Variants in UBE2E2 observed in about 807,000 individuals in gnomAD.
The protein encoded by UBE2E2 is ubiquitin-conjugating enzyme E2 E2.
A neutral mutation model predicts 24.7 loss-of-function variants in UBE2E2; 6 were observed. That is an observed-to-expected ratio of 0.24 (90% CI 0.13 to 0.48). The LOEUF (loss-of-function observed/expected upper bound fraction) is 0.48, where lower values mean the gene tolerates loss of function less well. UBE2E2 is among the 20% of genes least tolerant of loss of function. The pLI, the probability that UBE2E2 is intolerant of heterozygous loss-of-function variation, is 0.99. For synonymous variants in UBE2E2, 104 were observed against 83.6 expected (o/e 1.24, Z -1.33); for missense variants, 169 against 245.0 (o/e 0.69, Z 2.07).
At chr3:23,466,219 G>T (rs956558477) in intron 3 of UBE2E2, among the ~76,000 whole-genome samples, 1 of 152,114 alleles carries the variant, frequency 6.6e-6, no homozygotes, top group Admixed American at 6.5e-5. Context: ...GGTTAAACTA[G>T]GTATTTTATT....
intron 3 of UBE2E2, among the ~76,000 whole-genome samples, chr3:23,282,291 G>A (rs892949496): frequency 3.9e-5 from 6 of 152,160 alleles, no homozygotes; most frequent in Non-Finnish European, 5.9e-5. Context: ...TATAGTTGGC[G>A]CTGGATGAAT....
Position 23,270,333 on chromosome 3 carries a change from C to T in UBE2E2, c.227+53021C>T, listed in dbSNP as rs116849647. Among the ~76,000 whole-genome samples the T allele has an allele frequency of 7.6e-4, 115 of 152,114 alleles. 4 individuals are homozygous for T. The East Asian group carries it at 0.015, about 20-fold the overall frequency. ...GCCTTTGGGTGCCATGCATGTGCTG[C>T]GATGGTGTATTTTGTGCACAAAGGG... On this transcript the variant is annotated intron_variant, in intron 3 of 5. Coordinates refer to ENST00000396703, the MANE Select transcript of UBE2E2 (RefSeq NM_152653.4).
At chr3:23,444,607 C>G (rs896902286) in intron 3 of UBE2E2, among the ~76,000 whole-genome samples, 1 of 152,182 alleles carries the variant, frequency 6.6e-6, no homozygotes, top group Non-Finnish European at 1.5e-5. Flanking sequence ...CTGTAATGGC[C>G]ATTGCTTCAA....
At chr3:23,212,370 T>A (rs905010830) in intron 2 of UBE2E2, among the ~76,000 whole-genome samples, 11 of 152,204 alleles carry the variant, frequency 7.2e-5, no homozygotes, top group African/African-American at 2.7e-4. Flanking sequence ...TTTGCAAGTC[T>A]GTTGTTGGAC....
At chr3:23,376,620 A>G (rs1028431348) in intron 3 of UBE2E2, among the ~76,000 whole-genome samples, 7 of 152,338 alleles carry the variant, frequency 4.6e-5, no homozygotes, top group Middle Eastern at 3.4e-3. Context: ...GGCTTGACCA[A>G]TACAGTGGAG....
chr3:23,263,042 T>C (rs923760678), intron 3 of UBE2E2, among the ~76,000 whole-genome samples: 3 of 152,188 alleles, frequency 2.0e-5, no homozygotes, highest in African/African-American at 7.2e-5. Context: ...CAGAAGTTGC[T>C]GTTACAGAAC....
At chr3:23,392,913 G>A (rs963685305) in intron 3 of UBE2E2, among the ~76,000 whole-genome samples, 4 of 152,194 alleles carry the variant, frequency 2.6e-5, no homozygotes, top group African/African-American at 4.8e-5. Flanking sequence ...CAAGTCTGAA[G>A]GCCAGGAAGG....
intron 3 of UBE2E2, among the ~76,000 whole-genome samples, chr3:23,461,294 T>C (rs1034905026): frequency 3.9e-5 from 6 of 152,172 alleles, no homozygotes; most frequent in Admixed American, 3.3e-4. Flanking sequence ...CCATGTGTGG[T>C]GCTCCATCTT....
chr3:23,337,550 G>C (rs1191879728), intron 3 of UBE2E2, among the ~76,000 whole-genome samples: 1 of 152,150 alleles, frequency 6.6e-6, no homozygotes, highest in Non-Finnish European at 1.5e-5. Context: ...TCACATAGGA[G>C]TCTAACCCAG....
intron 3 of UBE2E2, among the ~76,000 whole-genome samples, chr3:23,339,908 T>C (rs1695334121): frequency 6.6e-6 from 1 of 152,130 alleles, no homozygotes; most frequent in Non-Finnish European, 1.5e-5. Context: ...AGTTTATTTT[T>C]AATTGTCAGG....
At chr3:23,454,050 G>GT (rs900251198) in intron 3 of UBE2E2, among the ~76,000 whole-genome samples, 29 of 152,242 alleles carry the variant, frequency 1.9e-4, no homozygotes, top group African/African-American at 6.7e-4. Context: ...GTTGCTAAAT[G>GT]TAAGTATTTA....
At chr3:23,299,372 T>C (rs1699006701) in intron 3 of UBE2E2, among the ~76,000 whole-genome samples, 1 of 152,198 alleles carries the variant, frequency 6.6e-6, no homozygotes, top group African/African-American at 2.4e-5. Flanking sequence ...TTAGTTGTGA[T>C]GTTAGGGTGT....
At chr3:23,314,187 G>A (rs1445228070) in intron 3 of UBE2E2, among the ~76,000 whole-genome samples, 1 of 152,164 alleles carries the variant, frequency 6.6e-6, no homozygotes, top group Non-Finnish European at 1.5e-5. Context: ...GGAGTGCAGT[G>A]GCACAATTAC....
At chr3:23,574,088 G>C (rs551650372) in intron 5 of UBE2E2, among the ~76,000 whole-genome samples, 2 of 152,176 alleles carry the variant, frequency 1.3e-5, no homozygotes, top group East Asian at 1.9e-4. Context: ...GACGGAGCTG[G>C]AGGTCATTAT....
chr3:23,248,977 G>A (rs891345762), intron 3 of UBE2E2, among the ~76,000 whole-genome samples: 1 of 152,148 alleles, frequency 6.6e-6, no homozygotes, highest in Non-Finnish European at 1.5e-5. Flanking sequence ...AACTACCTTA[G>A]GACCTTATTC....
chr3:23,420,235 C>A (rs897764771), intron 3 of UBE2E2, among the ~76,000 whole-genome samples: 1 of 152,142 alleles, frequency 6.6e-6, no homozygotes. Context: ...TGACACAGTG[C>A]ATTGCATATT....
chr3:23,278,267 G>T (rs1698413576), intron 3 of UBE2E2, among the ~76,000 whole-genome samples: 1 of 152,032 alleles, frequency 6.6e-6, no homozygotes, highest in Non-Finnish European at 1.5e-5. Flanking sequence ...TATTACTTAA[G>T]ATTTCTAATT....
intron 3 of UBE2E2, among the ~76,000 whole-genome samples, chr3:23,342,921 T>G (rs1695438616): frequency 6.6e-6 from 1 of 152,108 alleles, no homozygotes; most frequent in South Asian, 2.1e-4. Flanking sequence ...TTAGGACAAA[T>G]TTTGAAGATA....
At chr3:23,257,512 G>T (rs1575509564) in intron 3 of UBE2E2, among the ~76,000 whole-genome samples, 4 of 31,148 alleles carry the variant, frequency 1.3e-4, no homozygotes, top group South Asian at 1.7e-3. Flanking sequence ...TGTTTCCCGT[G>T]CCCCCCCCCC....
Sources: allele counts gnomAD v4.1 joint callset (sites outside exome capture counted in the v4.1 genomes callset), GRCh38; gene constraint gnomAD v4.1.1; transcripts MANE v1.5; gene names NCBI Gene and HGNC (gene_info 2026-07-23, HGNC 2026-07-21).